The following CPS1 variants were observed in gnomAD, a reference collection of about 807,000 sequenced individuals.
The protein encoded by CPS1 is carbamoyl-phosphate synthase 1.
In CPS1, 109 loss-of-function variants were observed where a neutral mutation model predicts 174.6. The observed-to-expected ratio is 0.62, with a 90% CI of 0.53 to 0.73. The LOEUF is 0.73. Among genes scored for constraint, CPS1 ranks in the 30% least tolerant of loss-of-function variants. The pLI is 0.00. For missense variants in CPS1, 1,689 were observed against 1,821.9 expected (o/e 0.93, Z 1.33); for synonymous variants, 637 against 632.0 (o/e 1.01, Z -0.12).
At chr2:210,606,266 C>G (rs1350935357) in intron 17 of CPS1, among the ~76,000 whole-genome samples, 1 of 151,740 alleles carries the variant, frequency 6.6e-6, no homozygotes, top group East Asian at 2.0e-4. Context: ...GAGAAGACTT[C>G]CGGAGGCAGT....
intron 31 of CPS1, among the ~76,000 whole-genome samples, chr2:210,659,946 A>G (rs1205997218): frequency 6.6e-6 from 1 of 152,200 alleles, no homozygotes; most frequent in Non-Finnish European, 1.5e-5. Context: ...TTGACAAGTT[A>G]ACGATGGTAG....
At chr2:210,547,575 C>T (rs1696597347) in intron 1 of CPS1, among the ~76,000 whole-genome samples, 1 of 152,076 alleles carries the variant, frequency 6.6e-6, no homozygotes, top group Non-Finnish European at 1.5e-5. Context: ...ACAGTACTCA[C>T]AGGATGTCAG....
At chr2:210,516,549 C>G (rs6713369) in intron 1 of CPS1, among the ~76,000 whole-genome samples, 2,412 of 151,972 alleles carry the variant, frequency 0.016, 51 homozygotes, top group African/African-American at 0.05. Context: ...TTCTAACACG[C>G]ATATCTGATC....
intron 1 of CPS1, among the ~76,000 whole-genome samples, chr2:210,529,961 T>A (rs1403940165): frequency 6.6e-6 from 1 of 152,106 alleles, no homozygotes; most frequent in Non-Finnish European, 1.5e-5. Flanking sequence ...TCTCTTCTTA[T>A]GCATTTCACG....
chr2:210,653,905 A>G (rs1166783515), intron 28 of CPS1, 120 bp from the exon 29 acceptor site: 1 of 780,252 alleles, frequency 1.3e-6, no homozygotes, highest in African/African-American at 1.7e-5. Flanking sequence ...AGTTATGTTC[A>G]GCCTTGAGTA....
chr2:210,590,308 T>A, intron 8 of CPS1, 74 bp downstream of exon 8: 2 of 1,599,978 alleles, frequency 1.3e-6, no homozygotes, highest in Non-Finnish European at 1.7e-6. Flanking sequence ...CAAAGGGCTG[T>A]GATACATTTT....
Position 210,663,207 on chromosome 2 carries a change from T to C in CPS1, c.4002+10T>C, listed in dbSNP as rs1486217307. ...GGCTTCCACTGGAGAGGTAACTAGTTAATAATCCATGGAAGCTTTCATTAA... is the reference window on the plus strand; with the variant it reads ...GGCTTCCACTGGAGAGGTAACTAGTCAATAATCCATGGAAGCTTTCATTAA... On this transcript the variant is annotated intron_variant, in intron 33 of 37. Transcript: ENST00000233072. 1.9e-6 allele frequency: 3 copies of C among 1,607,622 alleles called. No homozygotes were observed. In the South Asian group the frequency reaches 3.3e-5, roughly 18 times the overall value.
chr2:210,516,905 A>G (rs1695699807), intron 1 of CPS1, among the ~76,000 whole-genome samples: 1 of 151,928 alleles, frequency 6.6e-6, no homozygotes, highest in Non-Finnish European at 1.5e-5. Flanking sequence ...TACCACATCT[A>G]TGATATCAGG....
At chr2:210,596,907 G>A (rs1185461181) in intron 13 of CPS1, among the ~76,000 whole-genome samples, 2 of 151,500 alleles carry the variant, frequency 1.3e-5, no homozygotes, top group African/African-American at 2.4e-5. Flanking sequence ...CACTTAGAAG[G>A]TTAATAACTA....
intron 5 of CPS1, 80 bp downstream of exon 5, chr2:210,579,850 C>A: frequency 1.8e-6 from 2 of 1,097,882 alleles, no homozygotes; most frequent in Non-Finnish European, 2.8e-6. Context: ...TCCCTCAGTG[C>A]CTAAGGGATC....
intron 1 of CPS1, among the ~76,000 whole-genome samples, chr2:210,558,985 A>C (rs1697012702): frequency 1.3e-5 from 2 of 152,098 alleles, no homozygotes; most frequent in African/African-American, 4.8e-5. Context: ...GAAGTTCTTG[A>C]ACTTCACAAT....
At chr2:210,554,182 T>C (rs1018789850), upstream of CPS1, among the ~76,000 whole-genome samples, 1 of 109,468 alleles carries the variant, frequency 9.1e-6, no homozygotes. Context: ...TATGTATATA[T>C]ACACACACAC....
intron 1 of CPS1, among the ~76,000 whole-genome samples, chr2:210,563,388 T>C (rs557933959): frequency 8.7e-4 from 132 of 152,308 alleles, no homozygotes; most frequent in African/African-American, 3.2e-3. Context: ...TTTAGGGCAA[T>C]GCTGTTTACA....
intron 1 of CPS1, among the ~76,000 whole-genome samples, chr2:210,483,168 TAA>T (rs1299846314): frequency 6.6e-6 from 1 of 152,036 alleles, no homozygotes. Flanking sequence ...GTAAGCAAAG[TAA>T]CGCTGAGGGT....
At chr2:210,648,639 A>G (rs1700461529) in intron 27 of CPS1, 99 bp downstream of exon 27, 3 of 975,030 alleles carry the variant, frequency 3.1e-6, no homozygotes, top group East Asian at 2.4e-5. Flanking sequence ...ATATGTAGTA[A>G]TTTATAAATC....
rs67369344 is a variant in CPS1 at position 210,535,819 on chromosome 2, G to GTTTTT, written c.4-20884_4-20880dup. On this transcript the variant is annotated intron_variant, in intron 1 of 38. Transcript: ENST00000430249. Reference sequence around the variant, plus strand: ...TTTAGTCCCTTCTCCCTTTTTCCTTGTTTTTTTTTTTTTTTTTTTTGATAA... The same window carrying GTTTTT: ...TTTAGTCCCTTCTCCCTTTTTCCTTGTTTTTTTTTTTTTTTTTTTTTTTTTGATAA... 3.8e-3 allele frequency among the ~76,000 whole-genome samples: 448 copies of GTTTTT among 118,058 alleles called. 2 individuals are homozygous for GTTTTT. The highest frequency in any genetic ancestry group is 5.4e-3 in the Middle Eastern group (1 of 184). 77.5% of individuals were successfully genotyped at this position (118,058 alleles called of 152,430 possible). A position where few individuals can be genotyped will look rare whatever the true frequency, so the allele number is the denominator to read the frequency against.
chr2:210,574,700 C>T (rs1697627594), intron 2 of CPS1, among the ~76,000 whole-genome samples: 1 of 152,070 alleles, frequency 6.6e-6, no homozygotes, highest in African/African-American at 2.4e-5. Context: ...AATCTTGTCA[C>T]ATCACAAAAG....
At chr2:210,674,285 C>T (rs1701429607) in intron 34 of CPS1, 1 of 152,224 alleles carries the variant, frequency 6.6e-6, no homozygotes, top group Non-Finnish European at 1.5e-5. Context: ...ACCAGCCTGA[C>T]CAACATGGAG....
intron 4 of CPS1, among the ~76,000 whole-genome samples, chr2:210,579,504 A>G (rs1697836755): frequency 6.6e-6 from 1 of 152,170 alleles, no homozygotes; most frequent in Non-Finnish European, 1.5e-5. Flanking sequence ...TTACTCTGAG[A>G]AAGAACCTGG....
Sources: gnomAD v4.1 joint callset for allele counts (sites outside exome capture counted in the v4.1 genomes callset) on GRCh38, gnomAD v4.1.1 for gene constraint, MANE v1.5 for transcripts, NCBI Gene and HGNC (gene_info 2026-07-23, HGNC 2026-07-21) for gene names.